BCR: variants seen among roughly 807,000 people sequenced by gnomAD.
BCR encodes breakpoint cluster region protein.
In BCR, 58 loss-of-function variants were observed where a neutral mutation model predicts 138.6. The observed-to-expected ratio is 0.42, with a 90% CI of 0.34 to 0.52. The LOEUF (loss-of-function observed/expected upper bound fraction) is 0.52, where lower values mean the gene tolerates loss of function less well. Ranked by LOEUF, BCR falls within the 20% of genes least tolerant of loss-of-function variation. BCR has a pLI of 0.06. For missense variants in BCR, 1,599 were observed against 1,727.2 expected, an observed-to-expected ratio of 0.93 and a Z score of 1.32; for synonymous variants, 786 against 730.1, an observed-to-expected ratio of 1.08 and a Z score of -1.23.
At chr22:23,253,647 G>A (rs1212631729) in intron 1 of BCR, 152 bp from the exon 2 acceptor site, 1 of 804,056 alleles carries the variant, frequency 1.2e-6, no homozygotes, top group African/African-American at 1.7e-5. Flanking sequence ...TCTTTGACCA[G>A]TCAGTTGTGA....
chr22:23,285,438 C>T (rs547356846), intron 10 of BCR, among the ~76,000 whole-genome samples: 3 of 152,172 alleles, frequency 2.0e-5, no homozygotes, highest in Non-Finnish European at 2.9e-5. Flanking sequence ...CCAACCCAAC[C>T]CTCCAGAAAA....
chr22:23,301,893 G>T (rs2073905595), intron 16 of BCR, among the ~76,000 whole-genome samples: 1 of 152,222 alleles, frequency 6.6e-6, no homozygotes, highest in Non-Finnish European at 1.5e-5. Flanking sequence ...TGGCTTGGAA[G>T]GGACACCCGA....
At chr22:23,299,776 C>T (rs1034433668) in intron 16 of BCR, among the ~76,000 whole-genome samples, 49 of 151,742 alleles carry the variant, frequency 3.2e-4, no homozygotes, top group African/African-American at 1.0e-3. Flanking sequence ...ATTGCTGAGC[C>T]AGGCACCTGC....
intron 4 of BCR, among the ~76,000 whole-genome samples, chr22:23,265,394 G>T (rs1041427550): frequency 1.3e-5 from 2 of 152,222 alleles, no homozygotes; most frequent in African/African-American, 4.8e-5. Flanking sequence ...AGTAGGGTTG[G>T]CCCAGCATCG....
chr22:23,250,342 C>T (rs746812610), intron 1 of BCR, among the ~76,000 whole-genome samples: 1 of 152,210 alleles, frequency 6.6e-6, no homozygotes, highest in Non-Finnish European at 1.5e-5. Context: ...ACAGCAAAAC[C>T]GTTGGTTAAA....
chr22:23,243,174 T>A (rs747551155), intron 1 of BCR, among the ~76,000 whole-genome samples: 6 of 152,118 alleles, frequency 3.9e-5, no homozygotes, highest in Non-Finnish European at 8.8e-5. Flanking sequence ...ACAAGCCCTT[T>A]TCTGTGGGAC....
chr22:23,188,650 G>A (rs1159950109), intron 1 of BCR, among the ~76,000 whole-genome samples: 1 of 152,130 alleles, frequency 6.6e-6, no homozygotes, highest in Admixed American at 6.5e-5. Context: ...CTGAGTTTTG[G>A]CTGAGGCTGC....
At chr22:23,256,143 A>G (rs1046597438) in intron 2 of BCR, among the ~76,000 whole-genome samples, 3 of 152,144 alleles carry the variant, frequency 2.0e-5, no homozygotes, top group African/African-American at 4.8e-5. Context: ...TTCCTAGGAC[A>G]CCTGACTTCC....
At position 23,289,641 on chromosome 22, in the gene BCR, T is replaced by C; in HGVS notation, c.2707+20T>C. ...AGGAAGGTGGGCCCCCCCGTTTCCG[T>C]GTACAGGGCACCTGCAGGGAGGGCA... On this transcript the variant is annotated intron_variant, in intron 13 of 22. Coordinates refer to ENST00000305877, the MANE Select transcript of BCR (RefSeq NM_004327.4). The C allele has an allele frequency of 6.5e-7, 1 of 1,540,522 alleles. No homozygotes were observed. The highest frequency in any genetic ancestry group is 2.2e-5 in the East Asian group (1 of 44,762).
intron 8 of BCR, 44 bp downstream of exon 8, chr22:23,273,818 G>A (rs971524872): frequency 6.2e-6 from 10 of 1,609,706 alleles, no homozygotes; most frequent in Non-Finnish European, 8.5e-6. Context: ...ATCCTGCTGA[G>A]CTGGGGGCAT....
chr22:23,215,872 G>C (rs1347961422), intron 1 of BCR, among the ~76,000 whole-genome samples: 2 of 152,210 alleles, frequency 1.3e-5, no homozygotes, highest in Admixed American at 1.3e-4. Context: ...TAGGGGACCA[G>C]TTAATCCAGG....
At position 23,181,247 on chromosome 22, in the gene BCR, G is replaced by A. The variant is rs766735187; in HGVS notation, c.287G>A (p.Arg96His). 24 of 1,239,416 alleles carry A rather than the reference G, an allele frequency of 1.9e-5. 1 individual carries two copies. In the South Asian group the frequency reaches 6.9e-4, roughly 35 times the overall value. 76.8% of individuals were successfully genotyped at this position (1,239,416 alleles called of 1,614,324 possible). Residue 96 changes from arginine (R) to histidine (H), a missense_variant, in exon 1 of 23, where the codon CGC becomes CAC. Arg to His is a conservative substitution (Grantham distance 29). This residue lies in a region of BCR where 806 missense variants were observed against 635.0 expected (regional missense o/e 1.27). Transcript: ENST00000305877. ...TCCGAGCCCCGAGCGTCCGCGTCGC[G>A]CCCGCAGCCAGCGCCCGCCGACGGA... The part of the protein sequence containing the change: ...GASEPRASAS[R>H]PQPAPADGAD...
chr22:23,215,270 A>G (rs190637551), intron 1 of BCR, among the ~76,000 whole-genome samples: 2 of 152,302 alleles, frequency 1.3e-5, no homozygotes, highest in East Asian at 3.9e-4. Flanking sequence ...CCTTTTGTAA[A>G]GCATGCTGCT....
chr22:23,234,394 G>T (rs985836230), intron 1 of BCR, among the ~76,000 whole-genome samples: 2 of 152,160 alleles, frequency 1.3e-5, no homozygotes, highest in African/African-American at 4.8e-5. Flanking sequence ...TGGTCCCTGG[G>T]TTCTGGGTGA....
At chr22:23,192,894 C>T (rs1170172373) in intron 1 of BCR, among the ~76,000 whole-genome samples, 2 of 152,088 alleles carry the variant, frequency 1.3e-5, no homozygotes, top group South Asian at 2.1e-4. Flanking sequence ...GTGCAGGGCC[C>T]AGAGAGCCAG....
chr22:23,291,886 C>T (rs1327568007), intron 14 of BCR, among the ~76,000 whole-genome samples: 1 of 152,188 alleles, frequency 6.6e-6, no homozygotes, highest in Non-Finnish European at 1.5e-5. Flanking sequence ...CTTTGTAGCT[C>T]TGGATATCCC....
chr22:23,305,746 G>C (rs2073948945), intron 16 of BCR, among the ~76,000 whole-genome samples: 2 of 152,172 alleles, frequency 1.3e-5, no homozygotes, highest in Admixed American at 1.3e-4. Flanking sequence ...GCAGCAACCT[G>C]GTCCATCCTC....
chr22:23,211,943 G>A (rs553176016), intron 1 of BCR, among the ~76,000 whole-genome samples: 2 of 152,112 alleles, frequency 1.3e-5, no homozygotes, highest in African/African-American at 2.4e-5. Context: ...GAGTGCCCCA[G>A]AACAAAACCC....
chr22:23,206,786 A>G (rs1217420021), intron 1 of BCR, among the ~76,000 whole-genome samples: 1 of 151,834 alleles, frequency 6.6e-6, no homozygotes, highest in African/African-American at 2.4e-5. Flanking sequence ...CAAGCCATCC[A>G]TCTATCCATC....
Sources: allele counts gnomAD v4.1 joint callset (sites outside exome capture counted in the v4.1 genomes callset), GRCh38; gene constraint gnomAD v4.1.1; regional missense constraint gnomAD v4.1.1; transcripts MANE v1.5; gene names NCBI Gene and HGNC (gene_info 2026-07-23, HGNC 2026-07-21).